Variants in COL14A1 observed in about 807,000 individuals in gnomAD.
COL14A1 encodes the protein collagen alpha-1(XIV) chain.
In COL14A1, 136 loss-of-function variants were observed where a neutral mutation model predicts 230.3. The ratio of observed to expected loss-of-function variants is 0.59; its 90% confidence interval spans 0.51 to 0.68. The LOEUF is 0.68. Ranked by LOEUF, COL14A1 falls within the 30% of genes least tolerant of loss-of-function variation. The pLI, the probability that COL14A1 is intolerant of heterozygous loss-of-function variation, is 0.00. For synonymous variants in COL14A1, 792 were observed against 784.1 expected (o/e 1.01, Z -0.17); for missense variants, 1,976 against 2,215.8 (o/e 0.89, Z 2.17).
chr8:120,330,437 G>A (rs1384660592), intron 40 of COL14A1, among the ~76,000 whole-genome samples: 2 of 152,180 alleles, frequency 1.3e-5, no homozygotes, highest in African/African-American at 4.8e-5. Context: ...TCACAATCAT[G>A]GCAGAAGGCA....
chr8:120,144,795 C>T (rs536021656), intron 1 of COL14A1, among the ~76,000 whole-genome samples: 24 of 151,982 alleles, frequency 1.6e-4, no homozygotes, highest in Admixed American at 3.9e-4. Context: ...ATATTAAAAA[C>T]GAATCTATCA....
Position 120,153,322 on chromosome 8 carries a change from A to G in COL14A1, c.89-4808A>G, listed in dbSNP as rs138351378. On this transcript the variant is annotated intron_variant, in intron 2 of 47. Coordinates refer to ENST00000297848, the MANE Select transcript of COL14A1 (RefSeq NM_021110.4). ...CTCAGCCTCCTGAGTAGCTGGGACC[A>G]CAGGCCCATGCAACCACACTCAACT... 3.1e-3 allele frequency among the ~76,000 whole-genome samples: 469 copies of G among 152,254 alleles called. 8 individuals carry two copies. The highest frequency in any genetic ancestry group is 0.01 in the African/African-American group (421 of 41,536).
chr8:120,255,222 G>A lies in COL14A1; in HGVS notation c.2753-18G>A, dbSNP rs761101356. On this transcript the variant is annotated intron_variant, in intron 22 of 47. Transcript: ENST00000297848. ...GTTGTCTGCGGTGTGATACAGTTAT[G>A]TTTCTATTTCATTCCAGTGTTCTTG... 2 of 1,585,886 alleles carry A rather than the reference G, an allele frequency of 1.3e-6. No individual in the cohort carries two copies. The highest frequency in any genetic ancestry group is 1.7e-6 in the Non-Finnish European group (2 of 1,154,222).
intron 36 of COL14A1, among the ~76,000 whole-genome samples, chr8:120,309,440 T>A (rs1820956369): frequency 6.6e-6 from 1 of 152,148 alleles, no homozygotes; most frequent in South Asian, 2.1e-4. Flanking sequence ...TACACATATA[T>A]ATACATATTA....
chr8:120,323,879 A>C (rs1026077443), intron 40 of COL14A1, among the ~76,000 whole-genome samples: 6 of 152,206 alleles, frequency 3.9e-5, no homozygotes, highest in African/African-American at 1.4e-4. Flanking sequence ...CTTTTTGCTT[A>C]GGATTGCCTT....
At chr8:120,160,890 T>TTTTG (rs897560044) in intron 3 of COL14A1, among the ~76,000 whole-genome samples, 4 of 152,230 alleles carry the variant, frequency 2.6e-5, no homozygotes, top group South Asian at 2.1e-4. Flanking sequence ...TTAAAGCTTT[T>TTTTG]TTTGTTTGTT....
At chr8:120,341,383 T>C in intron 43 of COL14A1, 23 bp downstream of exon 43, 1 of 1,613,718 alleles carries the variant, frequency 6.2e-7, no homozygotes, top group East Asian at 2.2e-5. Context: ...TGGCTCTGCT[T>C]TCTGGCCCCA....
upstream of COL14A1, chr8:120,125,090 G>A (rs1220435478): frequency 6.6e-6 from 1 of 152,390 alleles, no homozygotes; most frequent in Non-Finnish European, 1.5e-5. Flanking sequence ...GGCTGCCGGC[G>A]GGCCTTCCTT....
At chr8:120,242,235 A>G (rs1280792440) in intron 19 of COL14A1, among the ~76,000 whole-genome samples, 1 of 152,176 alleles carries the variant, frequency 6.6e-6, no homozygotes, top group African/African-American at 2.4e-5. Flanking sequence ...GGGTTACTCA[A>G]TCTGCATATG....
chr8:120,162,507 C>T lies in COL14A1; in HGVS notation c.287C>T (p.Thr96Ile), dbSNP rs779663137. The T allele has an allele frequency of 6.2e-7, 1 of 1,612,818 alleles. No homozygotes were observed. The highest frequency in any genetic ancestry group is 1.1e-5 in the South Asian group (1 of 90,706). Residue 96 changes from threonine to isoleucine, a missense_variant, in exon 4 of 48, where the codon ACA becomes ATA. This residue lies in a region of COL14A1 where 181 missense variants were observed against 178.6 expected (regional missense o/e 1.01). Coordinates refer to ENST00000297848, the MANE Select transcript of COL14A1 (RefSeq NM_021110.4). ...IQGLMPDQNY[T>I]VQIIAYNKDK... Reference sequence around the variant, plus strand: ...GGCCTTATGCCAGACCAGAATTACACAGTTCAAATTATTGCATACAATAAA... The same window carrying T: ...GGCCTTATGCCAGACCAGAATTACATAGTTCAAATTATTGCATACAATAAA...
intron 7 of COL14A1, 72 bp downstream of exon 7, chr8:120,198,002 C>G (rs1378127235): frequency 2.1e-6 from 3 of 1,454,124 alleles, no homozygotes; most frequent in Admixed American, 3.7e-5. Context: ...CATTTTGCCA[C>G]TTTGTAAGCG....
At chr8:120,142,630 C>A (rs1814950873) in intron 1 of COL14A1, among the ~76,000 whole-genome samples, 1 of 152,174 alleles carries the variant, frequency 6.6e-6, no homozygotes, top group Admixed American at 6.5e-5. Context: ...ATTTGTTAAT[C>A]TAAGAAAACA....
chr8:120,287,426 A>C (rs1820237004), intron 33 of COL14A1, among the ~76,000 whole-genome samples: 1 of 152,142 alleles, frequency 6.6e-6, no homozygotes, highest in Non-Finnish European at 1.5e-5. Flanking sequence ...TGTATTGCAA[A>C]ATAGTAAAAA....
At chr8:120,367,306 T>A in intron 46 of COL14A1, 58 bp downstream of exon 46, 7 of 1,410,612 alleles carry the variant, frequency 5.0e-6, no homozygotes, top group South Asian at 1.2e-5. Context: ...TCACTTGGCA[T>A]TGCAAGTGAG....
chr8:120,226,257 C>G (rs985505238), intron 15 of COL14A1, among the ~76,000 whole-genome samples: 17 of 151,860 alleles, frequency 1.1e-4, no homozygotes, highest in African/African-American at 2.9e-4. Context: ...GGGAAGCTTT[C>G]TTAGGCCCCT....
At chr8:120,301,264 T>A (rs560507117) in intron 36 of COL14A1, among the ~76,000 whole-genome samples, 5 of 152,128 alleles carry the variant, frequency 3.3e-5, no homozygotes, top group Non-Finnish European at 7.4e-5. Context: ...GGTGAACTCA[T>A]GTCACAAGGA....
intron 20 of COL14A1, among the ~76,000 whole-genome samples, chr8:120,247,195 G>A (rs537720548): frequency 7.2e-5 from 11 of 152,324 alleles, no homozygotes; most frequent in South Asian, 4.1e-4. Context: ...AGGCCAAGGA[G>A]AATGGATCAC....
At chr8:120,142,176 A>G (rs1216434817) in intron 1 of COL14A1, among the ~76,000 whole-genome samples, 1 of 152,144 alleles carries the variant, frequency 6.6e-6, no homozygotes, top group East Asian at 1.9e-4. Flanking sequence ...GGAAAAGGAA[A>G]TCTTAGAATA....
At chr8:120,351,845 T>C (rs1586890523) in intron 45 of COL14A1, among the ~76,000 whole-genome samples, 1 of 91,028 alleles carries the variant, frequency 1.1e-5, no homozygotes. Flanking sequence ...CTGAAACTAT[T>C]CCAATCAATA....
Sources: gnomAD v4.1 joint callset for allele counts (sites outside exome capture counted in the v4.1 genomes callset) on GRCh38, gnomAD v4.1.1 for gene constraint, gnomAD v4.1.1 regional missense constraint, MANE v1.5 for transcripts, NCBI Gene and HGNC (gene_info 2026-07-23, HGNC 2026-07-21) for gene names.